The following ALPK3 variants were observed in gnomAD, a reference collection of about 807,000 sequenced individuals.
ALPK3 encodes alpha-protein kinase 3.
A neutral mutation model predicts 140.0 loss-of-function variants in ALPK3; 102 were observed. The observed-to-expected ratio is 0.73, with a 90% CI of 0.62 to 0.86. The LOEUF (loss-of-function observed/expected upper bound fraction) is 0.86, where lower values mean the gene tolerates loss of function less well. ALPK3 is among the 40% of genes least tolerant of loss of function. ALPK3 has a pLI of 0.00. For synonymous variants in ALPK3, 938 were observed against 898.5 expected (o/e 1.04, Z -0.79); for missense variants, 2,254 against 2,208.2 (o/e 1.02, Z -0.42).
rs1368320952 is a variant in ALPK3 at position 84,857,284 on chromosome 15, G to T, written c.2546G>T (p.Cys849Phe). 1.2e-6 allele frequency: 2 copies of T among 1,614,100 alleles called. No homozygotes were observed. Residue 849 changes from cysteine to phenylalanine, a missense_variant, in exon 6 of 14, where the codon TGT becomes TTT. Cys to Phe is a radical substitution (Grantham distance 205). This residue lies in a region of ALPK3 where 2,088 missense variants were observed against 2,022.9 expected (regional missense o/e 1.03). Transcript: ENST00000258888. ...PKEERPGGVP[C>F]MDQGGCPLAG... is the part of the protein sequence containing the mutation. ...GAGGAGCGGCCAGGGGGAGTGCCGT[G>T]TATGGATCAGGGTGGCTGTCCTCTA...
At chr15:84,844,582 C>T (rs979075191) in intron 5 of ALPK3, among the ~76,000 whole-genome samples, 19 of 152,160 alleles carry the variant, frequency 1.2e-4, no homozygotes, top group African/African-American at 3.1e-4. Context: ...AAAGGCCGAG[C>T]GCAGTGGTTC....
intron 2 of ALPK3, among the ~76,000 whole-genome samples, chr15:84,825,264 C>T (rs1963473588): frequency 6.6e-6 from 1 of 151,986 alleles, no homozygotes; most frequent in South Asian, 2.1e-4. Flanking sequence ...GCAACCTCTG[C>T]CTGCCAGGTT....
rs1210665348 is a variant in ALPK3 at position 84,872,881 on chromosome 15, C to G, written c.*4425C>G. 6.6e-6 allele frequency: 1 copy of G among 152,192 alleles called. No homozygotes were observed. Among genetic ancestry groups the G allele is most frequent in the Non-Finnish European group, 1.5e-5 (1 of 68,036 alleles). 9.4% of individuals were successfully genotyped at this position (152,192 alleles called of 1,614,324 possible). A position where few individuals can be genotyped will look rare whatever the true frequency, so the allele number is the denominator to read the frequency against. On this transcript the variant is annotated 3_prime_UTR_variant, in exon 14 of 14. Transcript: ENST00000258888. ...ATTTGACTTCCTCTCCATTTAAGGT[C>G]TGGAAATCAAGTGGGAGATCTTGAC...
chr15:84,846,826 A>T (rs1274731388), intron 5 of ALPK3, among the ~76,000 whole-genome samples: 1 of 152,116 alleles, frequency 6.6e-6, no homozygotes, highest in Non-Finnish European at 1.5e-5. Flanking sequence ...CTGCAGTGGC[A>T]TGATCTCGGT....
rs1390030657 is a variant in ALPK3 at position 84,871,846 on chromosome 15, G to T, written c.*3390G>T. 1 of 152,228 alleles carries T rather than the reference G, an allele frequency of 6.6e-6. No homozygotes were observed. Among genetic ancestry groups the T allele is most frequent in the Non-Finnish European group, 1.5e-5 (1 of 68,036 alleles). 9.4% of individuals were successfully genotyped at this position (152,228 alleles called of 1,614,324 possible). A position where few individuals can be genotyped will look rare whatever the true frequency, so the allele number is the denominator to read the frequency against. ...AGCTGTAAAGTGAATTCTCTGGTTG[G>T]GTGCAGTATGTGAGGAGGTCACATG... On this transcript the variant is annotated 3_prime_UTR_variant, in exon 14 of 14. Coordinates refer to ENST00000258888, the MANE Select transcript of ALPK3 (RefSeq NM_020778.5).
intron 5 of ALPK3, among the ~76,000 whole-genome samples, chr15:84,844,528 A>G (rs1321378822): frequency 6.6e-6 from 1 of 152,212 alleles, no homozygotes; most frequent in Non-Finnish European, 1.5e-5. Context: ...TAAGAAGACA[A>G]GATTGCAAAT....
At chr15:84,845,824 C>T (rs891783088) in intron 5 of ALPK3, among the ~76,000 whole-genome samples, 13 of 152,100 alleles carry the variant, frequency 8.5e-5, no homozygotes, top group East Asian at 1.9e-4. Flanking sequence ...TTTGGGAAGC[C>T]GAAGCAGGCA....
At chr15:84,839,359 T>C (rs1192640141) in intron 4 of ALPK3, among the ~76,000 whole-genome samples, 2 of 152,186 alleles carry the variant, frequency 1.3e-5, no homozygotes, top group Non-Finnish European at 2.9e-5. Context: ...TACAGAAATA[T>C]TTTCCATGAG....
Position 84,840,228 on chromosome 15 carries a change from A to G in ALPK3, c.949A>G (p.Lys317Glu), listed in dbSNP as rs1481476743. ...CAAAGAGGAGAGTGGGGCCAAGAAG[A>G]AAAAGAAAGATGAGGAATCCAAGCA... ...ALKEESGAKK[K>E]KKDEESKQGL... The change falls in exon 5 of 14, where the codon AAA (lysine) becomes GAA (glutamate). Residue 317 changes from lysine (K) to glutamate (E), a missense_variant. By Grantham distance (56) the Lys-to-Glu change is moderately conservative. Around this residue, in one of 3 missense-constraint regions of ALPK3, gnomAD observed 2,088 missense variants for 2,022.9 expected, o/e 1.03. Coordinates refer to ENST00000258888, the MANE Select transcript of ALPK3 (RefSeq NM_020778.5). 1.2e-6 allele frequency: 2 copies of G among 1,613,820 alleles called. No homozygotes were observed. The highest frequency in any genetic ancestry group is 1.7e-5 in the Admixed American group (1 of 60,024).
chr15:84,864,670 G>A lies in ALPK3; in HGVS notation c.4723+5G>A, dbSNP rs771461497. 9 of 1,612,630 alleles carry A rather than the reference G, an allele frequency of 5.6e-6. No individual in the cohort carries two copies. Among genetic ancestry groups the A allele is most frequent in the African/African-American group, 4.0e-5 (3 of 74,914 alleles). ...TCCTTGTCACAGACTTGGCAGGTAC[G>A]AGGGTGTGAGGGTGCACGGGTACGC... On this transcript the variant is annotated splice_donor_5th_base_variant and intron_variant, in intron 12 of 13. Transcript: ENST00000258888.
intron 2 of ALPK3, among the ~76,000 whole-genome samples, chr15:84,825,500 T>A (rs1775870255): frequency 6.6e-6 from 1 of 152,192 alleles, no homozygotes; most frequent in Non-Finnish European, 1.5e-5. Flanking sequence ...AGCATGAGCA[T>A]TTGTCTCTGC....
intron 5 of ALPK3, among the ~76,000 whole-genome samples, chr15:84,842,667 C>A (rs1596150798): frequency 6.6e-6 from 1 of 152,120 alleles, no homozygotes; most frequent in Non-Finnish European, 1.5e-5. Context: ...TTAAGGGTGA[C>A]CATGGGAAAT....
intron 5 of ALPK3, among the ~76,000 whole-genome samples, chr15:84,848,070 A>T (rs562291752): frequency 3.4e-4 from 52 of 151,982 alleles, no homozygotes; most frequent in African/African-American, 1.2e-3. Context: ...TCAAAAAAAA[A>T]AAAATAAAAA....
chr15:84,833,578 G>A (rs1363712480), intron 3 of ALPK3, among the ~76,000 whole-genome samples: 3 of 152,186 alleles, frequency 2.0e-5, no homozygotes, highest in African/African-American at 4.8e-5. Context: ...GTGACCATAC[G>A]TGCACTCTTC....
chr15:84,836,209 C>T (rs887839817), intron 3 of ALPK3, among the ~76,000 whole-genome samples: 14 of 152,136 alleles, frequency 9.2e-5, no homozygotes, highest in Admixed American at 9.2e-4. Flanking sequence ...GTGGGTGCAT[C>T]AAGCTGGGGG....
Position 84,873,104 on chromosome 15 carries a change from C to T in ALPK3, c.*4648C>T, listed in dbSNP as rs1046067905. The T allele has an allele frequency of 4.6e-5, 7 of 152,146 alleles. No individual in the cohort carries two copies. Among genetic ancestry groups the T allele is most frequent in the African/African-American group, 1.7e-4 (7 of 41,422 alleles). 9.4% of individuals were successfully genotyped at this position (152,146 alleles called of 1,614,324 possible). A position where few individuals can be genotyped will look rare whatever the true frequency, so the allele number is the denominator to read the frequency against. On this transcript the variant is annotated 3_prime_UTR_variant, in exon 14 of 14. Coordinates refer to ENST00000258888, the MANE Select transcript of ALPK3 (RefSeq NM_020778.5). ...ATCTCTGTTGCTGAGATCAGGGAGC[C>T]CACGTTCACAGCAGCTCTTTCAAGC...
chr15:84,852,599 C>A (rs1963817593), intron 5 of ALPK3: 1 of 292,672 alleles, frequency 3.4e-6, no homozygotes, highest in South Asian at 3.4e-5. Context: ...GGTTTTGCAG[C>A]CTCTTTGAAA....
chr15:84,839,123 C>T, intron 4 of ALPK3, 26 bp downstream of exon 4: 2 of 1,574,612 alleles, frequency 1.3e-6, no homozygotes, highest in Non-Finnish European at 1.7e-6. Flanking sequence ...CTGTTTTGCT[C>T]TCTCTGCCCT....
rs569465188 is a variant in ALPK3, at chr15:84,851,947, A to G, written c.1654-4445A>G. 6.1e-4 allele frequency among the ~76,000 whole-genome samples: 93 copies of G among 152,318 alleles called. 1 individual carries two copies. The highest frequency in any genetic ancestry group is 6.8e-3 in the Middle Eastern group (2 of 294). On this transcript the variant is annotated intron_variant, in intron 5 of 13. Transcript: ENST00000258888. ...TAGATAATGCCAAATTGCCGTCTGT[A>G]GAGGCTGTGCGATGCCTGTAACCCT...
Sources: allele counts gnomAD v4.1 joint callset (sites outside exome capture counted in the v4.1 genomes callset), GRCh38; gene constraint gnomAD v4.1.1; regional missense constraint gnomAD v4.1.1; transcripts MANE v1.5; gene names NCBI Gene and HGNC (gene_info 2026-07-23, HGNC 2026-07-21).